Variants in SHANK2 observed in about 807,000 individuals in gnomAD.
SHANK2 encodes SH3 and multiple ankyrin repeat domains 2.
A neutral mutation model predicts 133.7 loss-of-function variants in SHANK2; 43 were observed. The ratio of observed to expected loss-of-function variants is 0.32; its 90% confidence interval spans 0.25 to 0.41. The LOEUF (loss-of-function observed/expected upper bound fraction) is 0.41, where lower values mean the gene tolerates loss of function less well. Ranked by LOEUF, SHANK2 falls within the 10% of genes least tolerant of loss-of-function variation. The pLI, the probability that SHANK2 is intolerant of heterozygous loss-of-function variation, is 1.00. For missense variants in SHANK2, 1,994 were observed against 2,235.8 expected, an observed-to-expected ratio of 0.89 and a Z score of 2.18; for synonymous variants, 1,017 against 952.8, an observed-to-expected ratio of 1.07 and a Z score of -1.24.
chr11:70,539,281 C>T (rs2059583436), intron 17 of SHANK2, among the ~76,000 whole-genome samples: 1 of 152,166 alleles, frequency 6.6e-6, no homozygotes, highest in African/African-American at 2.4e-5. Context: ...TGACCTGGTG[C>T]CCAAACGCAG....
chr11:70,849,655 CTT>C (rs1188030216), intron 11 of SHANK2, among the ~76,000 whole-genome samples: 1 of 152,146 alleles, frequency 6.6e-6, no homozygotes, highest in African/African-American at 2.4e-5. Context: ...TCCTTCCTCT[CTT>C]TGAATTTTCT....
intron 14 of SHANK2, among the ~76,000 whole-genome samples, chr11:70,773,872 C>G (rs531548728): frequency 3.3e-5 from 5 of 152,302 alleles, no homozygotes; most frequent in Admixed American, 2.6e-4. Context: ...CCTTCCTACA[C>G]TGTTGTCGGG....
intron 15 of SHANK2, among the ~76,000 whole-genome samples, chr11:70,675,007 G>A (rs1361782849): frequency 2.6e-5 from 4 of 152,246 alleles, no homozygotes; most frequent in African/African-American, 7.2e-5. Flanking sequence ...AAGCCATGCT[G>A]ACATTACTGT....
In SHANK2 at chr11:71,094,680, G is replaced by C; in HGVS notation, c.601C>G (p.Leu201Val). 1 of 1,551,348 alleles carries C rather than the reference G, an allele frequency of 6.4e-7. No homozygotes were observed. Among genetic ancestry groups the C allele is most frequent in the Non-Finnish European group, 8.7e-7 (1 of 1,146,640 alleles). ...TCGTCCAGCTGAGCGGCTAAGGTCA[G>C]GGGGGTCTCTGAGGAACCCAAACAC... ...FHDPETGETP[L>V]TLAAQLDDSV... The change falls in exon 7 of 26, where the codon CTG (leucine) becomes GTG (valine). Residue 201 changes from leucine to valine, a missense_variant. Transcript: ENST00000601538.
At chr11:71,099,983 A>T (rs868961786) in intron 6 of SHANK2, among the ~76,000 whole-genome samples, 6 of 151,456 alleles carry the variant, frequency 4.0e-5, no homozygotes, top group Non-Finnish European at 8.8e-5. Context: ...CAGGAGGTCA[A>T]GTTTGCAGTG....
chr11:70,640,274 T>C (rs558476373), intron 17 of SHANK2, among the ~76,000 whole-genome samples: 1 of 152,314 alleles, frequency 6.6e-6, no homozygotes, highest in Non-Finnish European at 1.5e-5. Context: ...CAAGTGTCTT[T>C]ATAAGAGAGA....
chr11:70,710,858 G>T (rs995950777), intron 14 of SHANK2, among the ~76,000 whole-genome samples: 2 of 152,220 alleles, frequency 1.3e-5, no homozygotes, highest in South Asian at 2.1e-4. Context: ...GGGGTCGGGG[G>T]TGTGAGCAGA....
At chr11:70,592,973 G>A (rs141526703) in intron 17 of SHANK2, among the ~76,000 whole-genome samples, 3,207 of 152,272 alleles carry the variant, frequency 0.021, 68 homozygotes, top group Non-Finnish European at 0.027. Flanking sequence ...AACCCTCGCC[G>A]AAAGGAGGGA....
At chr11:71,207,013 G>A (rs1331981857) in intron 2 of SHANK2, among the ~76,000 whole-genome samples, 1 of 151,950 alleles carries the variant, frequency 6.6e-6, no homozygotes, top group Non-Finnish European at 1.5e-5. Context: ...TTGAGCCCAG[G>A]AGGTTGAGGG....
intron 17 of SHANK2, among the ~76,000 whole-genome samples, chr11:70,510,298 G>T (rs776533556): frequency 1.4e-4 from 22 of 152,186 alleles, no homozygotes; most frequent in Non-Finnish European, 2.8e-4. Flanking sequence ...TGGGGGAAGG[G>T]GTGTTGTGAG....
rs1283503183 is a variant in SHANK2 at position 70,601,001 on chromosome 11, G to A, written c.2061+58827C>T. Among the ~76,000 whole-genome samples, 11 of 149,362 alleles carry A rather than the reference G, an allele frequency of 7.4e-5. 1 individual carries two copies. The Middle Eastern group carries it at 0.01, about 139-fold the overall frequency. Reference sequence around the variant, plus strand: ...TAAAAGAATGAAAAGACAAGCTAAAGATTAGTAAAGAGAATATATCTATAT... The same window carrying A: ...TAAAAGAATGAAAAGACAAGCTAAAAATTAGTAAAGAGAATATATCTATAT... On this transcript the variant is annotated intron_variant, in intron 17 of 25. Coordinates refer to ENST00000601538, the MANE Select transcript of SHANK2 (RefSeq NM_012309.5).
intron 2 of SHANK2, among the ~76,000 whole-genome samples, chr11:71,199,816 G>C (rs7952604): frequency 6.6e-6 from 1 of 152,110 alleles, no homozygotes; most frequent in African/African-American, 2.4e-5. Context: ...CCCTGTAGCC[G>C]TGAGCTGCTG....
chr11:70,867,742 A>G (rs928095770), intron 11 of SHANK2, among the ~76,000 whole-genome samples: 50 of 152,252 alleles, frequency 3.3e-4, no homozygotes, highest in African/African-American at 1.2e-3. Context: ...TTCTGTGACA[A>G]TATTCCACTG....
chr11:70,718,189 G>A (rs565692869), intron 14 of SHANK2, among the ~76,000 whole-genome samples: 88 of 152,324 alleles, frequency 5.8e-4, no homozygotes, highest in African/African-American at 2.0e-3. Flanking sequence ...AGGATGGGCC[G>A]GAGGTGTCAC....
At chr11:70,955,425 GTGTGTGT>G (rs1950905709) in intron 10 of SHANK2, among the ~76,000 whole-genome samples, 3 of 30,586 alleles carry the variant, frequency 9.8e-5, no homozygotes, top group Non-Finnish European at 9.0e-4. Flanking sequence ...CCCACGGGGT[GTGTGTGT>G]GTGTGTGTGT....
At chr11:71,109,918 G>A (rs1555098780) in intron 6 of SHANK2, 23 bp downstream of exon 6, 1 of 1,447,414 alleles carries the variant, frequency 6.9e-7, no homozygotes. Flanking sequence ...AGCCTGGTAA[G>A]GTCCCCTCTA....
At chr11:70,929,451 T>C (rs1436041802) in intron 10 of SHANK2, among the ~76,000 whole-genome samples, 1 of 152,224 alleles carries the variant, frequency 6.6e-6, no homozygotes, top group Non-Finnish European at 1.5e-5. Context: ...AGGTGTGCTG[T>C]CAGCAGGGCA....
At chr11:71,231,604 C>A (rs782540916) in intron 1 of SHANK2, among the ~76,000 whole-genome samples, 2 of 152,166 alleles carry the variant, frequency 1.3e-5, no homozygotes, top group Non-Finnish European at 2.9e-5. Flanking sequence ...CTTATGTTTA[C>A]GGGCCAGGTG....
intron 11 of SHANK2, among the ~76,000 whole-genome samples, chr11:70,865,471 A>ACG (rs1367078027): frequency 3.9e-5 from 6 of 152,218 alleles, no homozygotes; most frequent in African/African-American, 1.4e-4. Context: ...GAGTAAGGGC[A>ACG]CGCGGGGGGT....
Sources: gnomAD v4.1 joint callset for allele counts (sites outside exome capture counted in the v4.1 genomes callset) on GRCh38, gnomAD v4.1.1 for gene constraint, MANE v1.5 for transcripts, NCBI Gene and HGNC (gene_info 2026-07-23, HGNC 2026-07-21) for gene names.